MYOF: variants seen among roughly 807,000 people sequenced by gnomAD.
The protein encoded by MYOF is myoferlin, also known as fer-1-like 3, myoferlin.
MYOF carries 244 observed loss-of-function variants against 284.2 expected under a neutral mutation model. The observed-to-expected ratio is 0.86, with a 90% CI of 0.77 to 0.95. The LOEUF is 0.95. MYOF is among the 40% of genes least tolerant of loss of function. The pLI is 0.00. For missense variants in MYOF, 2,496 were observed against 2,560.6 expected (o/e 0.97, Z 0.54); for synonymous variants, 904 against 919.7 (o/e 0.98, Z 0.31).
At chr10:93,434,664 TTA>T (rs1047214389) in intron 3 of MYOF, among the ~76,000 whole-genome samples, 28 of 152,298 alleles carry the variant, frequency 1.8e-4, no homozygotes, top group African/African-American at 6.5e-4. Context: ...TTTATTGTTA[TTA>T]TTTTTTTCTC....
At chr10:93,361,334 T>A (rs922921786) in intron 28 of MYOF, 118 bp downstream of exon 28, 4 of 930,642 alleles carry the variant, frequency 4.3e-6, no homozygotes, top group Non-Finnish European at 6.6e-6. Flanking sequence ...GCCTGGGGGC[T>A]GGGGACTCCT....
chr10:93,397,906 C>T (rs773947225), intron 13 of MYOF, among the ~76,000 whole-genome samples: 6 of 152,082 alleles, frequency 3.9e-5, no homozygotes, highest in Admixed American at 1.3e-4. Context: ...GAATCAGCCA[C>T]ACCCTGACAC....
At position 93,351,180 on chromosome 10, in the gene MYOF, C is replaced by A. The variant is rs202230453; in HGVS notation, c.3921+17G>T. 1 of 1,610,384 alleles carries A rather than the reference C, an allele frequency of 6.2e-7. No individual in the cohort carries two copies. Among genetic ancestry groups the A allele is most frequent in the Admixed American group, 1.7e-5 (1 of 60,018 alleles). On this transcript the variant is annotated intron_variant, in intron 35 of 53. Transcript: ENST00000359263. The stretch of plus-strand genomic sequence containing the variant: ...CATCCGTTTGATTTGATGAGTAACA[C>A]GTGGGGAGCAGCATACCTCAATGGC...
At chr10:93,307,464 C>T (rs1406656186) in intron 53 of MYOF, among the ~76,000 whole-genome samples, 1 of 151,884 alleles carries the variant, frequency 6.6e-6, no homozygotes, top group Non-Finnish European at 1.5e-5. Flanking sequence ...CCATGCCCAG[C>T]TAATTTTTTA....
At chr10:93,424,522 G>C (rs1306811701) in intron 5 of MYOF, among the ~76,000 whole-genome samples, 1 of 152,086 alleles carries the variant, frequency 6.6e-6, no homozygotes, top group Non-Finnish European at 1.5e-5. Flanking sequence ...CCACTGCAGC[G>C]CTCCCGCAGG....
Position 93,366,565 on chromosome 10 carries a change from A to C in MYOF, c.2590-10T>G. ...GAGCTTGATTTTCATACTATTAAAA[A>C]AGAGATAAAATTGGAGAAACACCAT... On this transcript the variant is annotated splice_polypyrimidine_tract_variant and intron_variant, in intron 25 of 53. Coordinates refer to ENST00000359263, the MANE Select transcript of MYOF (RefSeq NM_013451.4). 1 of 1,586,254 alleles carries C rather than the reference A, an allele frequency of 6.3e-7. No homozygotes were observed. Among genetic ancestry groups the C allele is most frequent in the Non-Finnish European group, 8.5e-7 (1 of 1,169,636 alleles).
intron 32 of MYOF, among the ~76,000 whole-genome samples, chr10:93,352,050 T>C (rs556102692): frequency 9.2e-5 from 14 of 152,270 alleles, no homozygotes; most frequent in African/African-American, 3.4e-4. Flanking sequence ...GAGACCCTGA[T>C]GTGTACTGAG....
chr10:93,310,383 C>T (rs1842327083), intron 52 of MYOF, 151 bp downstream of exon 52: 1 of 983,130 alleles, frequency 1.0e-6, no homozygotes, highest in African/African-American at 1.6e-5. Flanking sequence ...TAAAATGAAG[C>T]CAGATCACCA....
intron 7 of MYOF, among the ~76,000 whole-genome samples, chr10:93,408,024 C>A (rs1243171478): frequency 5.3e-5 from 8 of 152,046 alleles, no homozygotes; most frequent in African/African-American, 1.9e-4. Context: ...CTCTGAGAAC[C>A]ACTGACAGAG....
chr10:93,376,788 C>T (rs893443830), intron 22 of MYOF, among the ~76,000 whole-genome samples: 1 of 152,134 alleles, frequency 6.6e-6, no homozygotes, highest in South Asian at 2.1e-4. Flanking sequence ...ATGAAAGGTC[C>T]GCTGGTTCAA....
intron 50 of MYOF, among the ~76,000 whole-genome samples, chr10:93,316,299 C>T (rs1316394636): frequency 2.0e-5 from 3 of 151,208 alleles, no homozygotes; most frequent in Non-Finnish European, 4.4e-5. Context: ...GTGCCCTTAC[C>T]ACAGAGGAGA....
At chr10:93,352,023 G>A (rs751624495) in intron 32 of MYOF, among the ~76,000 whole-genome samples, 177 bp from the exon 33 acceptor site, 1 of 152,184 alleles carries the variant, frequency 6.6e-6, no homozygotes, top group African/African-American at 2.4e-5. Context: ...TGGCACTGCA[G>A]CAGAGGCACC....
Position 93,375,063 on chromosome 10 carries a change from T to A in MYOF, c.2109-108A>T. ...TTGGATTTCCATCTTGCAAACCACA[T>A]CAACCTCCTAACTGAATCTACAAGC... is the stretch of plus-strand genomic sequence containing the variant. On this transcript the variant is annotated intron_variant, in intron 22 of 53. Coordinates refer to ENST00000359263, the MANE Select transcript of MYOF (RefSeq NM_013451.4). The A allele has an allele frequency of 4.6e-6, 5 of 1,077,332 alleles. No individual in the cohort carries two copies. The South Asian group carries it at 8.2e-5, about 18-fold the overall frequency. 66.7% of individuals were successfully genotyped at this position (1,077,332 alleles called of 1,614,324 possible).
At chr10:93,309,983 A>C in intron 53 of MYOF, 37 bp downstream of exon 53, 1 of 1,612,922 alleles carries the variant, frequency 6.2e-7, no homozygotes, top group Non-Finnish European at 8.5e-7. Flanking sequence ...GCAACTCACA[A>C]GAAAGCCAAG....
chr10:93,350,312 CT>C (rs369003989), intron 35 of MYOF, among the ~76,000 whole-genome samples: 4,545 of 148,146 alleles, frequency 0.031, 225 homozygotes, highest in African/African-American at 0.1. Context: ...CACCTGTAAA[CT>C]TTTTTTTTTT....
At chr10:93,311,207 T>A (rs1842371406) in intron 51 of MYOF, among the ~76,000 whole-genome samples, 1 of 152,178 alleles carries the variant, frequency 6.6e-6, no homozygotes, top group African/African-American at 2.4e-5. Flanking sequence ...GTTTAAATGT[T>A]CTACATGGGT....
chr10:93,479,012 C>T (rs926490010), intron 1 of MYOF, among the ~76,000 whole-genome samples: 1 of 151,904 alleles, frequency 6.6e-6, no homozygotes, highest in Non-Finnish European at 1.5e-5. Flanking sequence ...CATTCTTCAC[C>T]GTCTTATAGT....
intron 3 of MYOF, among the ~76,000 whole-genome samples, chr10:93,444,456 G>A (rs55695478): frequency 6.6e-6 from 1 of 152,200 alleles, no homozygotes; most frequent in African/African-American, 2.4e-5. Flanking sequence ...CATACCCTGA[G>A]TACTTGTCTA....
chr10:93,356,643 TA>T, intron 30 of MYOF, 31 bp downstream of exon 30: 1 of 1,595,922 alleles, frequency 6.3e-7, no homozygotes, highest in South Asian at 1.2e-5. Flanking sequence ...TCTACACCAA[TA>T]TGATCTGCGC....
Sources: allele counts gnomAD v4.1 joint callset (sites outside exome capture counted in the v4.1 genomes callset), GRCh38; gene constraint gnomAD v4.1.1; transcripts MANE v1.5; gene names NCBI Gene and HGNC (gene_info 2026-07-23, HGNC 2026-07-21).